Variants in TMIGD3 observed in about 807,000 individuals in gnomAD.
TMIGD3 encodes the protein AD026 protein (AD026).
A neutral mutation model predicts 28.1 loss-of-function variants in TMIGD3; 21 were observed. The ratio of observed to expected loss-of-function variants is 0.75; its 90% CI spans 0.53 to 1.08. TMIGD3 has a LOEUF of 1.08. Among genes scored for constraint, TMIGD3 ranks in the 50% least tolerant of loss-of-function variants. The pLI is 0.00. For synonymous variants in TMIGD3, 151 were observed against 162.1 expected, an observed-to-expected ratio of 0.93 and a Z score of 0.52; for missense variants, 416 against 435.6, an observed-to-expected ratio of 0.96 and a Z score of 0.40.
At chr1:111,541,506 G>A (rs1410990794) in intron 1 of TMIGD3, among the ~76,000 whole-genome samples, 4 of 152,178 alleles carry the variant, frequency 2.6e-5, no homozygotes, top group African/African-American at 9.7e-5. Context: ...GTTAATTTGG[G>A]ACATGCCAAG....
chr1:111,552,084 T>C (rs995534283), intron 1 of TMIGD3, among the ~76,000 whole-genome samples: 1 of 152,244 alleles, frequency 6.6e-6, no homozygotes, highest in African/African-American at 2.4e-5. Context: ...ATTGTCTCAG[T>C]AGCAAAGGCT....
chr1:111,553,647 C>T lies in TMIGD3; in HGVS notation c.107+10199G>A, dbSNP rs145080563. ...CCTTCCTACCTACTCAGCTGAATATCTATTTCTTCTTGAAGAAGACTTTCT... is the reference window on the plus strand; with the variant it reads ...CCTTCCTACCTACTCAGCTGAATATTTATTTCTTCTTGAAGAAGACTTTCT... On this transcript the variant is annotated intron_variant, in intron 1 of 5. Transcript: ENST00000369717. Among the ~76,000 whole-genome samples, 1,007 of 152,304 alleles carry T rather than the reference C, an allele frequency of 6.6e-3. 6 individuals are homozygous for T. Among genetic ancestry groups the T allele is most frequent in the Non-Finnish European group, 0.01 (695 of 68,018 alleles).
intron 1 of TMIGD3, among the ~76,000 whole-genome samples, chr1:111,529,175 G>A (rs918151678): frequency 2.0e-5 from 3 of 151,180 alleles, no homozygotes; most frequent in Admixed American, 6.6e-5. Flanking sequence ...GAGATCATGG[G>A]TATACTACCA....
chr1:111,510,089 G>C (rs575974377), intron 1 of TMIGD3, among the ~76,000 whole-genome samples: 2 of 152,302 alleles, frequency 1.3e-5, no homozygotes, highest in Non-Finnish European at 2.9e-5. Context: ...CCTAGGCTGG[G>C]CCAGATATTG....
At chr1:111,548,272 C>T (rs558181315) in intron 1 of TMIGD3, among the ~76,000 whole-genome samples, 2 of 152,338 alleles carry the variant, frequency 1.3e-5, no homozygotes, top group East Asian at 1.9e-4. Context: ...CCACCCACCT[C>T]GGCCTCCCAA....
chr1:111,515,481 G>T (rs1197402067), intron 1 of TMIGD3, among the ~76,000 whole-genome samples: 2 of 152,214 alleles, frequency 1.3e-5, no homozygotes, highest in African/African-American at 2.4e-5. Flanking sequence ...CCCGATGGGA[G>T]TTGGGGACGC....
At position 111,509,732 on chromosome 1, in the gene TMIGD3, C is replaced by A. The variant is rs116519015; in HGVS notation, c.108-18970G>T. ...CCCCTCCTACTGCACAAGGTCATTTCGTAATTATTACTGTAAGAGCTGCCA... is the reference window on the plus strand; with the variant it reads ...CCCCTCCTACTGCACAAGGTCATTTAGTAATTATTACTGTAAGAGCTGCCA... On this transcript the variant is annotated intron_variant, in intron 1 of 5. Coordinates refer to the TMIGD3 transcript ENST00000369717. Among the ~76,000 whole-genome samples, 544 of 152,352 alleles carry A rather than the reference C, an allele frequency of 3.6e-3. 6 individuals carry two copies. Among genetic ancestry groups the A allele is most frequent in the African/African-American group, 0.012 (512 of 41,578 alleles).
intron 1 of TMIGD3, among the ~76,000 whole-genome samples, chr1:111,525,458 C>T (rs147915309): frequency 2.6e-5 from 4 of 152,306 alleles, no homozygotes; most frequent in African/African-American, 9.6e-5. Context: ...GCTCTGAAAT[C>T]TACTTTGTTT....
At chr1:111,502,118 A>ATG in intron 1 of TMIGD3, among the ~76,000 whole-genome samples, 1 of 94,682 alleles carries the variant, frequency 1.1e-5, no homozygotes, top group South Asian at 3.2e-4. Flanking sequence ...AATATAATAA[A>ATG]TATATAGGAT....
At chr1:111,500,666 T>C in intron 1 of TMIGD3, 1 of 1,050,748 alleles carries the variant, frequency 9.5e-7, no homozygotes, top group East Asian at 2.4e-5. Flanking sequence ...TATACTCTCT[T>C]AATTCTCCAA....
At position 111,553,443 on chromosome 1, in the gene TMIGD3, A is replaced by G. The variant is rs1657353370; in HGVS notation, c.107+10403T>C. On this transcript the variant is annotated intron_variant, in intron 1 of 5. Coordinates refer to the TMIGD3 transcript ENST00000369717. ...TAGAGTCGTTTGTCTCTGACTCAGG[A>G]GTCTCATGTCTTCCACCATCATCCA... 2.0e-5 allele frequency among the ~76,000 whole-genome samples: 3 copies of G among 151,902 alleles called. No homozygotes were observed. In the South Asian group the frequency reaches 6.3e-4, roughly 32 times the overall value.
intron 3 of TMIGD3, among the ~76,000 whole-genome samples, chr1:111,487,109 C>T (rs1439164414): frequency 5.3e-5 from 8 of 152,186 alleles, no homozygotes; most frequent in Admixed American, 1.3e-4. Flanking sequence ...CCACCAAAAC[C>T]CAACGGGAGC....
chr1:111,493,032 T>C (rs1654738195), intron 1 of TMIGD3, among the ~76,000 whole-genome samples: 1 of 152,076 alleles, frequency 6.6e-6, no homozygotes, highest in African/African-American at 2.4e-5. Flanking sequence ...AAATGAAAAG[T>C]TTGTAGATGA....
intron 1 of TMIGD3, among the ~76,000 whole-genome samples, chr1:111,491,579 G>T (rs1174434631): frequency 6.6e-6 from 1 of 152,212 alleles, no homozygotes; most frequent in Non-Finnish European, 1.5e-5. Context: ...AGGGGAGCCT[G>T]TCTCTAATTC....
chr1:111,556,509 T>C (rs1195763482), intron 1 of TMIGD3, among the ~76,000 whole-genome samples: 6 of 152,162 alleles, frequency 3.9e-5, no homozygotes, highest in African/African-American at 9.7e-5. Context: ...CAAATGTGTA[T>C]AGATGGATGA....
At chr1:111,518,922 T>C (rs1050189108) in intron 1 of TMIGD3, among the ~76,000 whole-genome samples, 3 of 148,922 alleles carry the variant, frequency 2.0e-5, no homozygotes, top group Non-Finnish European at 4.4e-5. Context: ...TTTCATTTTT[T>C]GTTTGTTTGT....
chr1:111,512,855 T>G (rs1319477203), intron 1 of TMIGD3, among the ~76,000 whole-genome samples: 1 of 152,236 alleles, frequency 6.6e-6, no homozygotes, highest in Non-Finnish European at 1.5e-5. Flanking sequence ...GTCTCAGTCT[T>G]TCTCTGGAGG....
chr1:111,512,624 G>A lies in TMIGD3; in HGVS notation c.108-21862C>T, dbSNP rs551317359. ...TTGGGCAGCTACCAGGAATGTGAGTGCTGCAGCTGGGTGGGGTTGGGGGTT... is the reference window on the plus strand; with the variant it reads ...TTGGGCAGCTACCAGGAATGTGAGTACTGCAGCTGGGTGGGGTTGGGGGTT... On this transcript the variant is annotated intron_variant, in intron 1 of 5. Transcript: ENST00000369717. Among the ~76,000 whole-genome samples, 6 of 152,370 alleles carry A rather than the reference G, an allele frequency of 3.9e-5. 2 individuals carry two copies. The highest frequency in any genetic ancestry group is 1.4e-4 in the African/African-American group (6 of 41,588).
At position 111,491,256 on chromosome 1, in the gene TMIGD3, G is replaced by T. The variant is rs1218486131; in HGVS notation, c.351-494C>A. ...CATGCCAGCTGTCAGTAGCCTGCGT[G>T]CCTGGGACCTGGAACACGTGAGCAG... On this transcript the variant is annotated intron_variant, in intron 1 of 5. Coordinates refer to ENST00000369716, the MANE Select transcript of TMIGD3 (RefSeq NM_020683.7). Among the ~76,000 whole-genome samples the T allele has an allele frequency of 3.3e-5, 5 of 152,262 alleles. No homozygotes were observed. The South Asian group carries it at 1.0e-3, about 31-fold the overall frequency.
Sources: gnomAD v4.1 joint callset for allele counts (sites outside exome capture counted in the v4.1 genomes callset) on GRCh38, gnomAD v4.1.1 for gene constraint, MANE v1.5 for transcripts, NCBI Gene and HGNC (gene_info 2026-07-23, HGNC 2026-07-21) for gene names.